Variants in SIPA1L1 observed in about 807,000 individuals in gnomAD.
SIPA1L1 encodes signal induced proliferation associated 1 like 1.
SIPA1L1 carries 26 observed loss-of-function variants against 162.7 expected under a neutral mutation model. That is an observed-to-expected ratio of 0.16 (90% CI 0.12 to 0.22). The LOEUF (loss-of-function observed/expected upper bound fraction) is 0.22, where lower values mean the gene tolerates loss of function less well. Among genes scored for constraint, SIPA1L1 ranks in the 10% least tolerant of loss-of-function variants. SIPA1L1 has a pLI of 1.00. For synonymous variants in SIPA1L1, 829 were observed against 837.4 expected (o/e 0.99, Z 0.17); for missense variants, 1,874 against 2,241.0 (o/e 0.84, Z 3.31).
intron 4 of SIPA1L1, among the ~76,000 whole-genome samples, chr14:71,539,389 C>G (rs2054182268): frequency 6.6e-6 from 1 of 152,144 alleles, no homozygotes; most frequent in African/African-American, 2.4e-5. Context: ...CAGAGAATAG[C>G]TACTTCTCGA....
At chr14:71,414,596 A>G (rs984417480) in intron 2 of SIPA1L1, among the ~76,000 whole-genome samples, 2 of 152,232 alleles carry the variant, frequency 1.3e-5, no homozygotes, top group Non-Finnish European at 2.9e-5. Context: ...TTTTCTGGCT[A>G]CTTAAGAAGG....
intron 3 of SIPA1L1, among the ~76,000 whole-genome samples, chr14:71,519,757 A>G (rs2052114537): frequency 6.6e-6 from 1 of 152,084 alleles, no homozygotes; most frequent in African/African-American, 2.4e-5. Context: ...GCTTGAGCCC[A>G]GGAGTTTGAG....
intron 7 of SIPA1L1, among the ~76,000 whole-genome samples, chr14:71,646,274 T>C (rs1322248780): frequency 1.3e-5 from 2 of 151,870 alleles, no homozygotes; most frequent in South Asian, 2.1e-4. Context: ...CCTCCCGGGT[T>C]CACGCCATTC....
At chr14:71,679,830 CAAA>C (rs1426864596) in intron 12 of SIPA1L1, among the ~76,000 whole-genome samples, 1 of 152,074 alleles carries the variant, frequency 6.6e-6, no homozygotes, top group Non-Finnish European at 1.5e-5. Flanking sequence ...TCAAAAGAGA[CAAA>C]GAAGGCCATT....
intron 2 of SIPA1L1, among the ~76,000 whole-genome samples, chr14:71,427,183 ACTT>A (rs979410400): frequency 1.3e-5 from 2 of 149,044 alleles, no homozygotes; most frequent in Admixed American, 1.3e-4. Flanking sequence ...CCCTGCAGGG[ACTT>A]CTTTTATCAT....
intron 2 of SIPA1L1, among the ~76,000 whole-genome samples, chr14:71,443,846 C>G (rs1270378481): frequency 6.6e-6 from 1 of 152,340 alleles, no homozygotes; most frequent in African/African-American, 2.4e-5. Flanking sequence ...CACTGTCCCC[C>G]ACTGGGGACC....
At chr14:71,434,790 AG>A (rs1267234468) in intron 2 of SIPA1L1, among the ~76,000 whole-genome samples, 2 of 152,202 alleles carry the variant, frequency 1.3e-5, no homozygotes, top group Admixed American at 6.5e-5. Flanking sequence ...TATGTTGTCC[AG>A]GCTGGTCTTA....
chr14:71,450,055 T>C (rs1248469813), intron 2 of SIPA1L1, among the ~76,000 whole-genome samples: 4 of 152,138 alleles, frequency 2.6e-5, no homozygotes, highest in Non-Finnish European at 5.9e-5. Context: ...AAAATAAAAC[T>C]TAAAAAATAA....
intron 3 of SIPA1L1, among the ~76,000 whole-genome samples, chr14:71,520,378 AG>A (rs2052202083): frequency 2.0e-5 from 3 of 152,194 alleles, no homozygotes; most frequent in Admixed American, 6.5e-5. Flanking sequence ...TATTCTTGCT[AG>A]TGTTTTTGCT....
At chr14:71,713,978 A>G (rs897661272) in intron 17 of SIPA1L1, among the ~76,000 whole-genome samples, 2 of 152,164 alleles carry the variant, frequency 1.3e-5, no homozygotes, top group African/African-American at 4.8e-5. Context: ...CTAACTCAGA[A>G]TATGAAAATT....
At chr14:71,476,843 A>G (rs971482857) in intron 2 of SIPA1L1, among the ~76,000 whole-genome samples, 3 of 151,796 alleles carry the variant, frequency 2.0e-5, no homozygotes, top group Admixed American at 6.6e-5. Context: ...ATGCCCGGCT[A>G]ATTTTTTGTA....
intron 5 of SIPA1L1, among the ~76,000 whole-genome samples, chr14:71,604,545 T>C (rs2037249938): frequency 6.6e-6 from 1 of 152,200 alleles, no homozygotes; most frequent in Non-Finnish European, 1.5e-5. Flanking sequence ...TAAGCATTTT[T>C]TTTTAGCACT....
At chr14:71,733,347 A>G (rs943252494) in intron 20 of SIPA1L1, among the ~76,000 whole-genome samples, 1 of 152,216 alleles carries the variant, frequency 6.6e-6, no homozygotes, top group Non-Finnish European at 1.5e-5. Flanking sequence ...AGGAAAGTAG[A>G]TGCTAGTGCT....
chr14:71,553,982 G>T (rs1001393481), intron 4 of SIPA1L1, among the ~76,000 whole-genome samples: 3 of 152,116 alleles, frequency 2.0e-5, no homozygotes, highest in Non-Finnish European at 2.9e-5. Context: ...TTGAACTTTG[G>T]CCTATCTGAA....
intron 2 of SIPA1L1, among the ~76,000 whole-genome samples, chr14:71,419,560 C>T (rs1264947334): frequency 1.4e-5 from 2 of 146,040 alleles, no homozygotes; most frequent in Non-Finnish European, 3.0e-5. Context: ...TGCAGTGGCG[C>T]AATCTCGGCT....
At chr14:71,701,383 ATTT>A (rs376868927) in intron 14 of SIPA1L1, among the ~76,000 whole-genome samples, 3 of 141,128 alleles carry the variant, frequency 2.1e-5, no homozygotes, top group Non-Finnish European at 3.1e-5. Context: ...CACCAGGCTA[ATTT>A]TTTTTTTTTT....
At position 71,730,213 on chromosome 14, in the gene SIPA1L1, C is replaced by G. The variant is rs139713150; in HGVS notation, c.4773C>G (p.Asp1591Glu). 9 of 1,614,174 alleles carry G rather than the reference C, an allele frequency of 5.6e-6. No individual in the cohort carries two copies. The highest frequency in any genetic ancestry group is 7.6e-6 in the Non-Finnish European group (9 of 1,180,040). ...TTCTGGACCAAGCCCTGCCCAACGACGTCCTCTTCAGTAGCACGTACCCTT... is the reference window on the plus strand; with the variant it reads ...TTCTGGACCAAGCCCTGCCCAACGAGGTCCTCTTCAGTAGCACGTACCCTT... ...ASLLDQALPN[D>E]VLFSSTYPSL... is the part of the protein sequence containing the mutation. The change falls in exon 20 of 24, where the codon GAC (aspartate) becomes GAG (glutamate). Residue 1591 changes from aspartate to glutamate, a missense_variant. By Grantham distance (45) the Asp-to-Glu change is conservative. Around this residue, in one of 5 missense-constraint regions of SIPA1L1, gnomAD observed 936 missense variants for 1,051.9 expected, o/e 0.89. Transcript: ENST00000381232.
intron 2 of SIPA1L1, among the ~76,000 whole-genome samples, chr14:71,368,274 A>G (rs1474581232): frequency 7.1e-6 from 1 of 141,766 alleles, no homozygotes; most frequent in Non-Finnish European, 1.5e-5. Context: ...CTCGTCATCT[A>G]GCCTTAGGTA....
chr14:71,693,545 A>G (rs2081399697), intron 13 of SIPA1L1, among the ~76,000 whole-genome samples: 4 of 152,166 alleles, frequency 2.6e-5, no homozygotes, highest in Admixed American at 2.0e-4. Flanking sequence ...AACAGCTGGT[A>G]TGAATTATGT....
Sources: allele counts gnomAD v4.1 joint callset (sites outside exome capture counted in the v4.1 genomes callset), GRCh38; gene constraint gnomAD v4.1.1; regional missense constraint gnomAD v4.1.1; transcripts MANE v1.5; gene names NCBI Gene and HGNC (gene_info 2026-07-23, HGNC 2026-07-21).